The following SYT9 variants were observed in gnomAD, a reference collection of about 807,000 sequenced individuals.
The protein encoded by SYT9 is synaptotagmin-9.
A neutral mutation model predicts 48.4 loss-of-function variants in SYT9; 22 were observed. The observed-to-expected ratio is 0.45, with a 90% CI of 0.32 to 0.65. The LOEUF (loss-of-function observed/expected upper bound fraction) is 0.65. Among genes scored for constraint, SYT9 ranks in the 30% least tolerant of loss-of-function variants. The pLI, the probability that SYT9 is intolerant of heterozygous loss-of-function variation, is 0.03. For missense variants in SYT9, 577 were observed against 622.0 expected (o/e 0.93, Z 0.77); for synonymous variants, 265 against 245.0 (o/e 1.08, Z -0.76).
At chr11:7,411,972 T>G (rs1043111895) in intron 3 of SYT9, among the ~76,000 whole-genome samples, 5 of 152,184 alleles carry the variant, frequency 3.3e-5, no homozygotes, top group African/African-American at 1.2e-4. Flanking sequence ...TTCTTCTGCT[T>G]AATCTAATCT....
chr11:7,423,064 T>G (rs1463750275), intron 6 of SYT9, among the ~76,000 whole-genome samples: 2 of 152,196 alleles, frequency 1.3e-5, no homozygotes, highest in Non-Finnish European at 2.9e-5. Context: ...AATGGTCATT[T>G]CTGAACTGTT....
intron 2 of SYT9, among the ~76,000 whole-genome samples, chr11:7,311,811 G>A (rs1350915142): frequency 6.6e-6 from 1 of 152,206 alleles, no homozygotes; most frequent in African/African-American, 2.4e-5. Context: ...ACAGAGTCCA[G>A]TAAAGTGAGA....
intron 3 of SYT9, among the ~76,000 whole-genome samples, chr11:7,369,433 A>T (rs531380697): frequency 1.3e-5 from 2 of 151,840 alleles, no homozygotes; most frequent in Non-Finnish European, 2.9e-5. Context: ...TAGGTTGCCT[A>T]TTCACTCTGA....
chr11:7,288,318 C>T (rs1848635423), intron 1 of SYT9, among the ~76,000 whole-genome samples: 1 of 151,162 alleles, frequency 6.6e-6, no homozygotes, highest in South Asian at 2.1e-4. Flanking sequence ...CATCTACCTT[C>T]CCCTTCCTTA....
At chr11:7,443,109 G>T (rs1032974383) in intron 6 of SYT9, among the ~76,000 whole-genome samples, 7 of 152,200 alleles carry the variant, frequency 4.6e-5, no homozygotes, top group African/African-American at 1.7e-4. Context: ...GTCTAGATTT[G>T]CTCATTGTTC....
intron 3 of SYT9, among the ~76,000 whole-genome samples, chr11:7,362,165 G>A (rs989765351): frequency 4.4e-5 from 6 of 135,558 alleles, no homozygotes; most frequent in Admixed American, 3.1e-4. Context: ...TTTTTTTTGA[G>A]ATGGAGTCTC....
At chr11:7,301,498 A>T (rs562034285) in intron 1 of SYT9, among the ~76,000 whole-genome samples, 4 of 152,332 alleles carry the variant, frequency 2.6e-5, no homozygotes, top group Non-Finnish European at 5.9e-5. Flanking sequence ...TTTGTCACAG[A>T]TCATAGTATG....
chr11:7,273,052 A>G (rs1848324630), intron 1 of SYT9, among the ~76,000 whole-genome samples: 1 of 152,172 alleles, frequency 6.6e-6, no homozygotes, highest in Admixed American at 6.5e-5. Context: ...ATAGTTATCT[A>G]TCTTATGATA....
intron 3 of SYT9, among the ~76,000 whole-genome samples, chr11:7,388,463 T>C (rs1225766220): frequency 6.6e-6 from 1 of 152,128 alleles, no homozygotes; most frequent in Non-Finnish European, 1.5e-5. Flanking sequence ...TCGTTAATCT[T>C]CCCTAAATAT....
At chr11:7,355,810 A>G (rs1308459227) in intron 3 of SYT9, among the ~76,000 whole-genome samples, 1 of 152,228 alleles carries the variant, frequency 6.6e-6, no homozygotes, top group Non-Finnish European at 1.5e-5. Flanking sequence ...TTGGAGGTCC[A>G]CGATTCTAAT....
chr11:7,354,177 C>T (rs1849973643), intron 3 of SYT9, among the ~76,000 whole-genome samples: 1 of 152,142 alleles, frequency 6.6e-6, no homozygotes, highest in African/African-American at 2.4e-5. Flanking sequence ...CACCACATTG[C>T]ACACCTCTGG....
At chr11:7,294,457 A>G (rs1234235787) in intron 1 of SYT9, among the ~76,000 whole-genome samples, 2 of 152,242 alleles carry the variant, frequency 1.3e-5, no homozygotes, top group African/African-American at 4.8e-5. Context: ...TCCTGAGGCA[A>G]ATTGCTCTTC....
chr11:7,337,040 T>A (rs1489326895), intron 3 of SYT9, among the ~76,000 whole-genome samples: 1 of 152,188 alleles, frequency 6.6e-6, no homozygotes, highest in Non-Finnish European at 1.5e-5. Flanking sequence ...ATTTTGTAAT[T>A]CTCACTGTAG....
At chr11:7,306,058 C>T (rs1232165763) in intron 2 of SYT9, among the ~76,000 whole-genome samples, 1 of 152,136 alleles carries the variant, frequency 6.6e-6, no homozygotes, top group Non-Finnish European at 1.5e-5. Context: ...TGTCTAGTTT[C>T]TTCAGTGACT....
intron 3 of SYT9, among the ~76,000 whole-genome samples, chr11:7,399,290 G>C (rs1427726552): frequency 6.6e-6 from 1 of 152,102 alleles, no homozygotes; most frequent in African/African-American, 2.4e-5. Flanking sequence ...ATGATGAGCA[G>C]AAGTTAATTT....
intron 3 of SYT9, among the ~76,000 whole-genome samples, chr11:7,380,995 A>G (rs1209960197): frequency 6.6e-6 from 1 of 152,176 alleles, no homozygotes; most frequent in Non-Finnish European, 1.5e-5. Flanking sequence ...AGTGTGCCAT[A>G]CCGAAATTCT....
chr11:7,303,372 A>T lies in SYT9; in HGVS notation c.479A>T (p.Glu160Val), dbSNP rs776220190. Residue 160 changes from glutamate (E) to valine (V), a missense_variant, in exon 2 of 7, where the codon GAG (glutamate) becomes GTG (valine). Physicochemically the swap from Glu to Val is moderately radical, Grantham distance 121 (BLOSUM62 -2). Coordinates refer to ENST00000318881, the MANE Select transcript of SYT9 (RefSeq NM_175733.4). Reference sequence around the variant, plus strand: ...GTCCGCGTGCAGCGCCAAGTCACAGAGCCAACCTCGTCGGCCCGGTCAGTA... The same window carrying T: ...GTCCGCGTGCAGCGCCAAGTCACAGTGCCAACCTCGTCGGCCCGGTCAGTA... ...HGVRVQRQVT[E>V]PTSSARHNSI... is the part of the protein sequence containing the mutation. The T allele has an allele frequency of 6.2e-7, 1 of 1,609,688 alleles. No individual in the cohort carries two copies. Among genetic ancestry groups the T allele is most frequent in the South Asian group, 1.1e-5 (1 of 90,956 alleles).
chr11:7,383,092 G>A (rs375427351), intron 3 of SYT9, among the ~76,000 whole-genome samples: 2 of 152,314 alleles, frequency 1.3e-5, no homozygotes, highest in African/African-American at 2.4e-5. Flanking sequence ...CAGGAATAGA[G>A]TTGGCATTTC....
chr11:7,253,599 GA>G (rs908626480), intron 1 of SYT9, among the ~76,000 whole-genome samples: 1 of 151,756 alleles, frequency 6.6e-6, no homozygotes, highest in African/African-American at 2.4e-5. Flanking sequence ...TATTGAAAAA[GA>G]AAAAAATATT....
Sources: gnomAD v4.1 joint callset for allele counts (sites outside exome capture counted in the v4.1 genomes callset) on GRCh38, gnomAD v4.1.1 for gene constraint, MANE v1.5 for transcripts, NCBI Gene and HGNC (gene_info 2026-07-23, HGNC 2026-07-21) for gene names.